CDC42BPA: variants seen among roughly 807,000 people sequenced by gnomAD.
The protein encoded by CDC42BPA is serine/threonine-protein kinase MRCK alpha.
In CDC42BPA, 80 loss-of-function variants were observed where a neutral mutation model predicts 223.5. The ratio of observed to expected loss-of-function variants is 0.36; its 90% confidence interval spans 0.30 to 0.43. CDC42BPA has a LOEUF of 0.43. Among genes scored for constraint, CDC42BPA ranks in the 20% least tolerant of loss-of-function variants. CDC42BPA has a pLI of 1.00. For synonymous variants in CDC42BPA, 694 were observed against 718.6 expected, an observed-to-expected ratio of 0.97 and a Z score of 0.55; for missense variants, 1,743 against 2,099.9, an observed-to-expected ratio of 0.83 and a Z score of 3.32.
intron 14 of CDC42BPA, among the ~76,000 whole-genome samples, chr1:227,109,653 A>C (rs538585817): frequency 1.9e-4 from 29 of 152,120 alleles, no homozygotes; most frequent in Admixed American, 1.8e-3. Context: ...GGTGTGAGCC[A>C]CCGCACCTGG....
intron 24 of CDC42BPA, among the ~76,000 whole-genome samples, chr1:227,038,597 T>C (rs759877115): frequency 2.6e-5 from 4 of 152,214 alleles, no homozygotes; most frequent in African/African-American, 7.2e-5. Context: ...TGGTTCAGCT[T>C]ACACAATTCT....
At chr1:227,307,036 C>T (rs775137122) in intron 1 of CDC42BPA, among the ~76,000 whole-genome samples, 14 of 152,050 alleles carry the variant, frequency 9.2e-5, no homozygotes, top group Admixed American at 3.9e-4. Context: ...ATGACAATAT[C>T]GATCCCAAAT....
intron 30 of CDC42BPA, among the ~76,000 whole-genome samples, chr1:227,027,800 A>T (rs1326702703): frequency 1.3e-5 from 2 of 152,206 alleles, no homozygotes; most frequent in Non-Finnish European, 2.9e-5. Flanking sequence ...TATTTTCAAT[A>T]ACCAAAGTAT....
intron 1 of CDC42BPA, among the ~76,000 whole-genome samples, chr1:227,297,935 GTTTTA>G (rs1690927078): frequency 8.5e-6 from 1 of 117,002 alleles, no homozygotes; most frequent in African/African-American, 3.6e-5. Context: ...GGCAAATTTT[GTTTTA>G]TGTGTGTGTG....
rs1248883492 is a variant in CDC42BPA at position 227,263,613 on chromosome 1, C to T, written c.179-9458G>A. On this transcript the variant is annotated intron_variant, in intron 1 of 36. Coordinates refer to ENST00000366766, the MANE Select transcript of CDC42BPA (RefSeq NM_001394014.1). The stretch of plus-strand genomic sequence containing the variant: ...TTTTTTTTTTTTTGAAACGGAGTCT[C>T]GCTCTGCACCCAGGCTGCAGTGTAA... Among the ~76,000 whole-genome samples the T allele has an allele frequency of 5.4e-5, 8 of 146,804 alleles. No individual in the cohort carries two copies. The South Asian group carries it at 8.6e-4, about 16-fold the overall frequency.
chr1:227,009,889 T>C (rs1664832073), intron 34 of CDC42BPA, among the ~76,000 whole-genome samples: 1 of 152,212 alleles, frequency 6.6e-6, no homozygotes, highest in African/African-American at 2.4e-5. Flanking sequence ...AATAATTTTA[T>C]AATACAAACA....
chr1:227,302,891 A>G (rs890683066), intron 1 of CDC42BPA, among the ~76,000 whole-genome samples: 1 of 149,844 alleles, frequency 6.7e-6, no homozygotes, highest in Non-Finnish European at 1.5e-5. Flanking sequence ...TAATAATTTC[A>G]AAGAACTTTT....
intron 14 of CDC42BPA, among the ~76,000 whole-genome samples, chr1:227,110,285 G>A (rs1227875826): frequency 1.3e-5 from 2 of 152,032 alleles, no homozygotes; most frequent in Non-Finnish European, 1.5e-5. Flanking sequence ...TCTTTAAAAG[G>A]GCCAAAATAT....
At chr1:227,139,831 G>C in intron 9 of CDC42BPA, 89 bp from the exon 10 acceptor site, 1 of 715,296 alleles carries the variant, frequency 1.4e-6, no homozygotes, top group Non-Finnish European at 2.0e-6. Context: ...GTTTTTAACT[G>C]ACTCCACATT....
intron 1 of CDC42BPA, among the ~76,000 whole-genome samples, chr1:227,272,885 T>A (rs1203527568): frequency 1.4e-4 from 21 of 152,256 alleles, no homozygotes. Flanking sequence ...CCTGGCTCCA[T>A]CATTAAATAA....
Position 227,104,784 on chromosome 1 carries a change from G to T in CDC42BPA, c.2002-3545C>A, listed in dbSNP as rs140473584. Among the ~76,000 whole-genome samples the T allele has an allele frequency of 7.2e-3, 1,094 of 152,186 alleles. 11 individuals carry two copies. Among genetic ancestry groups the T allele is most frequent in the Non-Finnish European group, 9.3e-3 (633 of 68,000 alleles). ...ATGTGAACATGAAAGCAGAGATCAG[G>T]GTGATGTATCTTACAAGCCAAGCAA... On this transcript the variant is annotated intron_variant, in intron 14 of 36. Coordinates refer to ENST00000366766, the MANE Select transcript of CDC42BPA (RefSeq NM_001394014.1).
chr1:227,066,052 C>A (rs1169644782), intron 21 of CDC42BPA, among the ~76,000 whole-genome samples: 1 of 152,168 alleles, frequency 6.6e-6, no homozygotes, highest in Admixed American at 6.5e-5. Flanking sequence ...CACAATATAA[C>A]TAGATTTGGC....
At chr1:227,009,830 G>A (rs1364868809) in intron 34 of CDC42BPA, among the ~76,000 whole-genome samples, 2 of 151,988 alleles carry the variant, frequency 1.3e-5, no homozygotes, top group Non-Finnish European at 2.9e-5. Flanking sequence ...AGATATTTAA[G>A]TGATATAATA....
Position 227,034,728 on chromosome 1 carries a change from G to C in CDC42BPA, c.3403C>G (p.Leu1135Val), listed in dbSNP as rs779499730. 1 of 1,613,762 alleles carries C rather than the reference G, an allele frequency of 6.2e-7. No individual in the cohort carries two copies. Among genetic ancestry groups the C allele is most frequent in the Non-Finnish European group, 8.5e-7 (1 of 1,179,770 alleles). The change falls in exon 26 of 37, where the codon CTC becomes GTC. Residue 1135 changes from leucine to valine, a missense_variant. Leu to Val is a conservative substitution (Grantham distance 32, BLOSUM62 1). Coordinates refer to ENST00000366766, the MANE Select transcript of CDC42BPA (RefSeq NM_001394014.1). ...RALAIVCDFK[L>V]FLYDIAEGKA... ...CCTTCAGCAATATCGTACAGAAAGA[G>C]TTTGAAGTCACACACTATAGCCAGT...
chr1:227,093,674 G>A (rs1186569567), intron 15 of CDC42BPA, among the ~76,000 whole-genome samples: 3 of 152,102 alleles, frequency 2.0e-5, no homozygotes, highest in African/African-American at 7.2e-5. Context: ...AAAGACTTTT[G>A]TATGTTCCCT....
intron 32 of CDC42BPA, among the ~76,000 whole-genome samples, chr1:227,018,984 T>C (rs1176638492): frequency 1.3e-5 from 2 of 152,136 alleles, no homozygotes; most frequent in Admixed American, 6.5e-5. Flanking sequence ...AAGGCTGGAA[T>C]GGCTGTGGCA....
intron 6 of CDC42BPA, among the ~76,000 whole-genome samples, chr1:227,154,139 T>C (rs189116893): frequency 4.1e-4 from 62 of 152,090 alleles, no homozygotes; most frequent in African/African-American, 1.5e-3. Flanking sequence ...AAAGCTGTCA[T>C]TTATCAGATT....
At chr1:227,185,198 T>C (rs1444845448) in intron 5 of CDC42BPA, among the ~76,000 whole-genome samples, 3 of 152,062 alleles carry the variant, frequency 2.0e-5, no homozygotes, top group Non-Finnish European at 4.4e-5. Flanking sequence ...GTACCCTCAA[T>C]TGAGGTAGGA....
intron 3 of CDC42BPA, among the ~76,000 whole-genome samples, chr1:227,202,681 G>C (rs1212391846): frequency 2.0e-5 from 3 of 150,658 alleles, no homozygotes; most frequent in African/African-American, 7.3e-5. Context: ...CACGCTTTGG[G>C]AAGTGAGGTG....
Sources: gnomAD v4.1 joint callset for allele counts (sites outside exome capture counted in the v4.1 genomes callset) on GRCh38, gnomAD v4.1.1 for gene constraint, MANE v1.5 for transcripts, NCBI Gene and HGNC (gene_info 2026-07-23, HGNC 2026-07-21) for gene names.